RAD50: variants seen among roughly 807,000 people sequenced by gnomAD.
The protein encoded by RAD50 is RAD50 double strand break repair protein, also known as DNA repair protein RAD50.
A neutral mutation model predicts 168.8 loss-of-function variants in RAD50; 132 were observed. The observed-to-expected ratio is 0.78, with a 90% CI of 0.68 to 0.90. The LOEUF (loss-of-function observed/expected upper bound fraction) is 0.90. RAD50 is among the 40% of genes least tolerant of loss of function. The probability of loss-of-function intolerance (pLI) is 0.00; values close to 1 mark genes in which losing one functional copy is unlikely to be tolerated. For missense variants in RAD50, 1,347 were observed against 1,534.4 expected, an observed-to-expected ratio of 0.88 and a Z score of 2.04; for synonymous variants, 525 against 497.4, an observed-to-expected ratio of 1.06 and a Z score of -0.74.
At chr5:132,598,537 T>A (rs914019977) in intron 13 of RAD50, among the ~76,000 whole-genome samples, 15 of 152,236 alleles carry the variant, frequency 9.9e-5, no homozygotes, top group Non-Finnish European at 1.5e-4. Context: ...GTGGTATGAC[T>A]GGGCTCAGCT....
intron 19 of RAD50, among the ~76,000 whole-genome samples, chr5:132,613,617 T>A (rs911285512): frequency 2.4e-4 from 36 of 148,564 alleles, no homozygotes; most frequent in Admixed American, 1.1e-3. Flanking sequence ...TTTTTTTTTT[T>A]AAATTAGATG....
intron 15 of RAD50, 28 bp downstream of exon 15, chr5:132,604,074 C>G (rs1291379332): frequency 3.1e-6 from 5 of 1,611,202 alleles, no homozygotes; most frequent in Non-Finnish European, 3.4e-6. Flanking sequence ...CTTCTGTACT[C>G]ATAGAGACTT....
intron 21 of RAD50, among the ~76,000 whole-genome samples, chr5:132,631,105 C>A (rs1319147030): frequency 6.7e-6 from 1 of 149,832 alleles, no homozygotes; most frequent in Non-Finnish European, 1.5e-5. Flanking sequence ...TTCTGAGCTC[C>A]GAGAGAGTCT....
rs1246025579 is a variant in RAD50, at chr5:132,573,064, A to G, written c.214-2713A>G. Among the ~76,000 whole-genome samples, 5 of 152,214 alleles carry G rather than the reference A, an allele frequency of 3.3e-5. No homozygotes were observed. The East Asian group carries it at 5.8e-4, about 18-fold the overall frequency. ...GAATGGGATTTGTGGACCATGTGGT[A>G]ATAATATATCAGTATCAGTTTCCTG... On this transcript the variant is annotated intron_variant, in intron 2 of 24. Coordinates refer to ENST00000378823, the MANE Select transcript of RAD50 (RefSeq NM_005732.4).
chr5:132,577,152 T>C (rs1750414404), intron 3 of RAD50, among the ~76,000 whole-genome samples: 2 of 152,330 alleles, frequency 1.3e-5, no homozygotes, highest in Middle Eastern at 6.8e-3. Flanking sequence ...TATGTTTCCT[T>C]GTTCTTTCCG....
At chr5:132,629,261 T>C (rs1421024872) in intron 21 of RAD50, among the ~76,000 whole-genome samples, 1 of 152,190 alleles carries the variant, frequency 6.6e-6, no homozygotes. Flanking sequence ...GGAATATCTT[T>C]CCCTGTCCCT....
At chr5:132,611,155 C>T (rs909291846) in intron 19 of RAD50, among the ~76,000 whole-genome samples, 1 of 152,106 alleles carries the variant, frequency 6.6e-6, no homozygotes, top group African/African-American at 2.4e-5. Flanking sequence ...CTTTGGGAGG[C>T]CAAGGCAGAC....
Position 132,645,828 on chromosome 5 carries a change from CAT to C in RAD50, c.*3465_*3466del, listed in dbSNP as rs1329369726. On this transcript the variant is annotated 3_prime_UTR_variant, in exon 25 of 25. Coordinates refer to ENST00000378823, the MANE Select transcript of RAD50 (RefSeq NM_005732.4). Reference sequence around the variant, plus strand: ...TTACTGAGTGAAGGCTATTCTAGCACATGTTAGTTACTGGCTTGCCATGTGTA... The same window carrying C: ...TTACTGAGTGAAGGCTATTCTAGCACGTTAGTTACTGGCTTGCCATGTGTA... 8 of 152,282 alleles carry C rather than the reference CAT, an allele frequency of 5.3e-5. No homozygotes were observed. The highest frequency in any genetic ancestry group is 2.1e-4 in the South Asian group (1 of 4,812). 9.4% of individuals were successfully genotyped at this position (152,282 alleles called of 1,614,324 possible). A position where few individuals can be genotyped will look rare whatever the true frequency, so the allele number is the denominator to read the frequency against.
chr5:132,570,471 T>C (rs1302651257), intron 2 of RAD50, among the ~76,000 whole-genome samples: 1 of 152,286 alleles, frequency 6.6e-6, no homozygotes, highest in African/African-American at 2.4e-5. Context: ...ATCTTCTGGA[T>C]AACTTGCTGC....
At chr5:132,584,192 A>T (rs923768906) in intron 5 of RAD50, among the ~76,000 whole-genome samples, 3 of 152,060 alleles carry the variant, frequency 2.0e-5, no homozygotes, top group African/African-American at 4.8e-5. Flanking sequence ...ATTTTTATTG[A>T]TCGCCATTCT....
At chr5:132,562,814 A>C (rs1750144303) in intron 2 of RAD50, among the ~76,000 whole-genome samples, 1 of 152,182 alleles carries the variant, frequency 6.6e-6, no homozygotes, top group South Asian at 2.1e-4. Flanking sequence ...CTTAACCTAG[A>C]GCACTAGAGC....
chr5:132,591,456 C>G, intron 10 of RAD50, 50 bp downstream of exon 10: 1 of 1,540,006 alleles, frequency 6.5e-7, no homozygotes, highest in Non-Finnish European at 8.9e-7. Flanking sequence ...CTTAAAATAG[C>G]CTACCTTGCA....
intron 2 of RAD50, among the ~76,000 whole-genome samples, 183 bp from the exon 3 acceptor site, chr5:132,575,594 A>G (rs1750380496): frequency 6.6e-6 from 1 of 152,232 alleles, no homozygotes; most frequent in South Asian, 2.1e-4. Context: ...ATAGTATATC[A>G]TTTTTGTAAA....
At chr5:132,607,602 CTG>C (rs1407902778) in intron 16 of RAD50, among the ~76,000 whole-genome samples, 1 of 152,096 alleles carries the variant, frequency 6.6e-6, no homozygotes, top group African/African-American at 2.4e-5. Context: ...GTACTTGCAT[CTG>C]TATAATTTTT....
intron 19 of RAD50, among the ~76,000 whole-genome samples, chr5:132,610,408 T>C (rs1751064504): frequency 6.6e-6 from 1 of 152,170 alleles, no homozygotes; most frequent in African/African-American, 2.4e-5. Flanking sequence ...ATTTTCTCTA[T>C]TAAAGAAATT....
At chr5:132,591,814 T>C in intron 10 of RAD50, 63 bp from the exon 11 acceptor site, 3 of 1,231,706 alleles carry the variant, frequency 2.4e-6, no homozygotes, top group East Asian at 2.4e-5. Context: ...GAATTTATTT[T>C]TGTTCTTGAT....
In RAD50 at chr5:132,595,185, T is replaced by C; in HGVS notation, c.1969+141T>C. The C allele has an allele frequency of 2.0e-5, 18 of 913,122 alleles. 1 individual carries two copies. The South Asian group carries it at 2.8e-4, about 14-fold the overall frequency. The allele number at this position is 913,122 out of a possible 1,614,324, so 56.6% of individuals were successfully genotyped here. On this transcript the variant is annotated intron_variant, in intron 12 of 24. Coordinates refer to ENST00000378823, the MANE Select transcript of RAD50 (RefSeq NM_005732.4). ...TTTCAGTCCTGGCTCTACAACTTAC[T>C]CACTGTGTGACTTTAGGCAAGTTAC...
rs367973087 is a variant in RAD50, at chr5:132,645,383, C to A, written c.*3019C>A. On this transcript the variant is annotated 3_prime_UTR_variant, in exon 25 of 25. Transcript: ENST00000378823. ...TCCCCAGCCCTACTGGAATCCAGCT[C>A]TGCCTCCTCCCTGCAACACCTGCAC... The A allele has an allele frequency of 2.6e-5, 4 of 152,698 alleles. No individual in the cohort carries two copies. In the East Asian group the frequency reaches 5.8e-4, roughly 22 times the overall value. 9.5% of individuals were successfully genotyped at this position (152,698 alleles called of 1,614,324 possible). A position where few individuals can be genotyped will look rare whatever the true frequency, so the allele number is the denominator to read the frequency against.
intron 21 of RAD50, among the ~76,000 whole-genome samples, chr5:132,629,812 T>C (rs767292756): frequency 1.3e-5 from 2 of 152,220 alleles, no homozygotes; most frequent in South Asian, 4.1e-4. Flanking sequence ...CCATCTGTTA[T>C]TAGTAATCAT....
Sources: allele counts gnomAD v4.1 joint callset (sites outside exome capture counted in the v4.1 genomes callset), GRCh38; gene constraint gnomAD v4.1.1; transcripts MANE v1.5; gene names NCBI Gene and HGNC (gene_info 2026-07-23, HGNC 2026-07-21).